The following FYN variants were observed in gnomAD, a reference collection of about 807,000 sequenced individuals.
FYN encodes FYN proto-oncogene, Src family tyrosine kinase.
FYN carries 10 observed loss-of-function variants against 70.2 expected under a neutral mutation model. That is an observed-to-expected ratio of 0.14 (90% CI 0.09 to 0.24). The LOEUF is 0.24. Among genes scored for constraint, FYN ranks in the 10% least tolerant of loss-of-function variants. The pLI is 1.00. For missense variants in FYN, 319 were observed against 673.1 expected (o/e 0.47, Z 5.82); for synonymous variants, 236 against 248.6 (o/e 0.95, Z 0.48).
intron 12 of FYN, among the ~76,000 whole-genome samples, chr6:111,691,427 C>T (rs1319200371): frequency 1.3e-5 from 2 of 152,214 alleles, no homozygotes; most frequent in African/African-American, 4.8e-5. Context: ...TTCCCATAAT[C>T]AAGATGCAGC....
chr6:111,727,194 T>C (rs1801227342), intron 3 of FYN, among the ~76,000 whole-genome samples: 1 of 152,210 alleles, frequency 6.6e-6, no homozygotes, highest in Admixed American at 6.5e-5. Context: ...TGGACCATAC[T>C]AGGTGCAGTG....
chr6:111,857,816 G>C (rs961676468), intron 1 of FYN, among the ~76,000 whole-genome samples: 1 of 149,714 alleles, frequency 6.7e-6, no homozygotes, highest in Non-Finnish European at 1.5e-5. Context: ...TGTCCCTTTC[G>C]TTCTCCTTCT....
Position 111,674,194 on chromosome 6 carries a change from G to T in FYN, c.1405+305C>A, listed in dbSNP as rs141501348. 5.9e-3 allele frequency among the ~76,000 whole-genome samples: 901 copies of T among 152,254 alleles called. 7 individuals carry two copies. The highest frequency in any genetic ancestry group is 0.02 in the African/African-American group (848 of 41,560). On this transcript the variant is annotated intron_variant, in intron 13 of 13. Transcript: ENST00000354650. ...CACTGCCAGTGACATTTCTGCTCTG[G>T]GAACCACAGACACATACTCCTACTG...
At chr6:111,844,508 T>C (rs1773460099) in intron 2 of FYN, among the ~76,000 whole-genome samples, 1 of 152,216 alleles carries the variant, frequency 6.6e-6, no homozygotes, top group African/African-American at 2.4e-5. Context: ...GTGGAACTTC[T>C]AGAATAGAGC....
chr6:111,669,825 C>T (rs983470461), intron 13 of FYN, among the ~76,000 whole-genome samples: 3 of 151,960 alleles, frequency 2.0e-5, no homozygotes, highest in East Asian at 1.9e-4. Context: ...TGCTGGACCT[C>T]GGGAATCCAT....
intron 13 of FYN, among the ~76,000 whole-genome samples, chr6:111,665,740 G>C (rs540430440): frequency 1.3e-5 from 2 of 152,032 alleles, no homozygotes; most frequent in East Asian, 3.9e-4. Context: ...TCCTGTCTCA[G>C]CCTCCTGAGT....
chr6:111,818,425 T>TA (rs1289933705), intron 2 of FYN, among the ~76,000 whole-genome samples: 2 of 152,208 alleles, frequency 1.3e-5, no homozygotes, highest in Non-Finnish European at 2.9e-5. Context: ...ATACTCTTTT[T>TA]AAAAAAAGGC....
At chr6:111,799,961 T>G (rs911247938) in intron 2 of FYN, among the ~76,000 whole-genome samples, 1 of 152,220 alleles carries the variant, frequency 6.6e-6, no homozygotes, top group African/African-American at 2.4e-5. Context: ...AGGGCAGTCC[T>G]GTACAAATGG....
intron 12 of FYN, among the ~76,000 whole-genome samples, chr6:111,686,901 G>A (rs955951270): frequency 3.0e-5 from 4 of 133,556 alleles, no homozygotes; most frequent in Non-Finnish European, 6.1e-5. Flanking sequence ...ATCCCCAGTC[G>A]TTGTAATACA....
chr6:111,772,811 C>A (rs966555382), intron 3 of FYN, among the ~76,000 whole-genome samples: 1 of 111,404 alleles, frequency 9.0e-6, no homozygotes, highest in Non-Finnish European at 1.6e-5. Flanking sequence ...AGTTATCAAC[C>A]AAATTCATCA....
chr6:111,851,052 C>A (rs1194246275), intron 1 of FYN, among the ~76,000 whole-genome samples: 1 of 152,220 alleles, frequency 6.6e-6, no homozygotes, highest in Non-Finnish European at 1.5e-5. Context: ...CTTATTCAGT[C>A]CTAATCAAGG....
intron 2 of FYN, among the ~76,000 whole-genome samples, chr6:111,831,669 C>A (rs1284579583): frequency 6.6e-6 from 1 of 152,198 alleles, no homozygotes; most frequent in African/African-American, 2.4e-5. Context: ...CACTTTCTCA[C>A]AACCCATTTA....
intron 2 of FYN, among the ~76,000 whole-genome samples, chr6:111,798,784 C>T (rs1401477164): frequency 1.3e-5 from 2 of 152,180 alleles, no homozygotes; most frequent in African/African-American, 2.4e-5. Flanking sequence ...AAACAAAAAG[C>T]GTTCTGGGCT....
chr6:111,833,470 A>AC (rs1773083332), intron 2 of FYN, among the ~76,000 whole-genome samples: 1 of 152,172 alleles, frequency 6.6e-6, no homozygotes, highest in African/African-American at 2.4e-5. Flanking sequence ...AGCATTTACT[A>AC]CTCAGAGCCC....
intron 3 of FYN, among the ~76,000 whole-genome samples, chr6:111,736,509 T>G (rs1801717689): frequency 6.6e-6 from 1 of 152,150 alleles, no homozygotes; most frequent in African/African-American, 2.4e-5. Context: ...TGGAGCTGCC[T>G]TAGAAGATTC....
At chr6:111,745,954 G>T (rs895648237) in intron 3 of FYN, among the ~76,000 whole-genome samples, 4 of 152,312 alleles carry the variant, frequency 2.6e-5, no homozygotes, top group African/African-American at 9.6e-5. Context: ...CCTGGGAAAA[G>T]GAAGGCACTG....
At chr6:111,824,961 AACTCCT>A (rs1341339063) in intron 2 of FYN, among the ~76,000 whole-genome samples, 8 of 152,196 alleles carry the variant, frequency 5.3e-5, no homozygotes, top group African/African-American at 1.9e-4. Context: ...TACTTCTGAA[AACTCCT>A]CTGAGCTCCC....
At chr6:111,773,313 GA>G (rs1381962876) in intron 3 of FYN, among the ~76,000 whole-genome samples, 3 of 107,232 alleles carry the variant, frequency 2.8e-5, no homozygotes, top group African/African-American at 7.4e-5. Context: ...GGGAGGGAAA[GA>G]GGGGAGGGGG....
intron 1 of FYN, among the ~76,000 whole-genome samples, chr6:111,865,209 C>A (rs1359451180): frequency 6.6e-6 from 1 of 152,164 alleles, no homozygotes; most frequent in African/African-American, 2.4e-5. Flanking sequence ...CTAAACCAAC[C>A]AAGTGCTGCT....
Sources: allele counts gnomAD v4.1 joint callset (sites outside exome capture counted in the v4.1 genomes callset), GRCh38; gene constraint gnomAD v4.1.1; transcripts MANE v1.5; gene names NCBI Gene and HGNC (gene_info 2026-07-23, HGNC 2026-07-21).